Variants in C12orf54 observed in about 807,000 individuals in gnomAD.
C12orf54 encodes chromosome 12 open reading frame 54, also known as uncharacterized protein C12orf54.
In C12orf54, 24 loss-of-function variants were observed where a neutral mutation model predicts 26.4. That is an observed-to-expected ratio of 0.91 (90% CI 0.66 to 1.28). The LOEUF (loss-of-function observed/expected upper bound fraction) is 1.28, where lower values mean the gene tolerates loss of function less well. C12orf54 is among the 50% of genes most tolerant of loss of function. C12orf54 has a pLI of 0.00. For synonymous variants in C12orf54, 54 were observed against 47.0 expected (o/e 1.15, Z -0.61); for missense variants, 154 against 150.9 (o/e 1.02, Z -0.11).
the C12orf54 span, among the ~76,000 whole-genome samples, chr12:48,456,809 TG>T: frequency 1.4e-4 from 22 of 152,168 alleles, no homozygotes; most frequent in South Asian, 2.1e-4. Flanking sequence ...TTTTCTTCTT[TG>T]GCAAGCAGAA....
chr12:48,446,246 G>T, the C12orf54 span, among the ~76,000 whole-genome samples: 1 of 152,074 alleles, frequency 6.6e-6, no homozygotes, highest in Non-Finnish European at 1.5e-5. Flanking sequence ...AAATACATAA[G>T]CTCATTCCTC....
At chr12:48,483,167 T>C (rs1208591614) in intron 1 of C12orf54, 73 bp from the exon 2 acceptor site, 1 of 678,812 alleles carries the variant, frequency 1.5e-6, no homozygotes, top group Non-Finnish European at 2.5e-6. Flanking sequence ...CTGCTGGTAG[T>C]TCTCCACTGA....
chr12:48,421,041 C>A, the C12orf54 span, among the ~76,000 whole-genome samples: 4 of 152,198 alleles, frequency 2.6e-5, no homozygotes, highest in Non-Finnish European at 5.9e-5. Context: ...TATTCCTCTC[C>A]TCTCCACAGG....
the C12orf54 span, among the ~76,000 whole-genome samples, chr12:48,430,665 C>T: frequency 3.3e-5 from 5 of 152,026 alleles, no homozygotes; most frequent in Non-Finnish European, 4.4e-5. Context: ...TTGGCGTGAA[C>T]GTGGTGATCA....
At chr12:48,472,852 TAAAC>T in the C12orf54 span, 4 of 1,613,998 alleles carry the variant, frequency 2.5e-6, no homozygotes, top group African/African-American at 1.3e-5. Flanking sequence ...TTGCCAAAGT[TAAAC>T]AAACTTAAGA....
chr12:48,414,186 C>G, the C12orf54 span, among the ~76,000 whole-genome samples: 1 of 152,208 alleles, frequency 6.6e-6, no homozygotes, highest in Non-Finnish European at 1.5e-5. Flanking sequence ...TGAGCCAGTT[C>G]TCTGTGCTGT....
At chr12:48,446,262 C>G in the C12orf54 span, among the ~76,000 whole-genome samples, 6 of 152,124 alleles carry the variant, frequency 3.9e-5, no homozygotes, top group Non-Finnish European at 2.9e-5. Context: ...TCCTCAAAAG[C>G]TCCAGGAAGT....
the C12orf54 span, among the ~76,000 whole-genome samples, chr12:48,469,405 G>A: frequency 6.6e-6 from 1 of 152,318 alleles, no homozygotes; most frequent in East Asian, 1.9e-4. Context: ...AGAGAAATAT[G>A]ACTCGGTTCT....
At chr12:48,435,278 C>T in the C12orf54 span, among the ~76,000 whole-genome samples, 1,942 of 152,246 alleles carry the variant, frequency 0.013, 20 homozygotes, top group Non-Finnish European at 0.018. Flanking sequence ...ACCAAATCTA[C>T]GTCTGACTGG....
the C12orf54 span, among the ~76,000 whole-genome samples, chr12:48,422,403 A>T: frequency 6.6e-6 from 1 of 152,218 alleles, no homozygotes; most frequent in East Asian, 1.9e-4. Context: ...TATGAGCAAA[A>T]TGCATCTGAC....
chr12:48,466,361 T>C, the C12orf54 span, among the ~76,000 whole-genome samples: 1 of 151,968 alleles, frequency 6.6e-6, no homozygotes. Flanking sequence ...CTGGCCCACA[T>C]AGTGAAACCC....
chr12:48,487,411 C>T (rs1166052977), intron 4 of C12orf54, among the ~76,000 whole-genome samples: 1 of 152,202 alleles, frequency 6.6e-6, no homozygotes, highest in East Asian at 1.9e-4. Context: ...TGCCAGCCCC[C>T]ACTGTACAAT....
chr12:48,427,637 A>T, the C12orf54 span, among the ~76,000 whole-genome samples: 1 of 152,100 alleles, frequency 6.6e-6, no homozygotes, highest in Non-Finnish European at 1.5e-5. Context: ...AATCCTAAAC[A>T]TATATGCACC....
chr12:48,457,215 C>T, the C12orf54 span, among the ~76,000 whole-genome samples: 5 of 151,648 alleles, frequency 3.3e-5, no homozygotes, highest in Non-Finnish European at 7.4e-5. Context: ...GCCCCAGGCC[C>T]GAACTCAGAA....
chr12:48,472,981 T>C, the C12orf54 span: 3 of 1,614,064 alleles, frequency 1.9e-6, no homozygotes, highest in Non-Finnish European at 2.5e-6. Flanking sequence ...CTCAGCACAA[T>C]AGAGCCCCTG....
At chr12:48,439,341 G>C in the C12orf54 span, among the ~76,000 whole-genome samples, 1 of 152,162 alleles carries the variant, frequency 6.6e-6, no homozygotes, top group Non-Finnish European at 1.5e-5. Context: ...TCAGTGTGGC[G>C]ATTCCTCAGG....
the C12orf54 span, chr12:48,473,092 C>T: frequency 6.2e-7 from 1 of 1,613,938 alleles, no homozygotes; most frequent in Non-Finnish European, 8.5e-7. Flanking sequence ...CTGCAACTCA[C>T]ATATCTCAAC....
At position 48,492,999 on chromosome 12, in the gene C12orf54, A is replaced by C. The variant is rs190673767; in HGVS notation, c.242+4A>C. On this transcript the variant is annotated splice_donor_region_variant and intron_variant, in intron 7 of 8. Coordinates refer to ENST00000548364, the MANE Select transcript of C12orf54 (RefSeq NM_152319.4). ...TGACATCAGCACCCAGGACTGGGTA[A>C]GTGTCCCTATTCTGACAATGTTCAA... 6.2e-7 allele frequency: 1 copy of C among 1,613,432 alleles called. No homozygotes were observed. Among genetic ancestry groups the C allele is most frequent in the East Asian group, 2.2e-5 (1 of 44,870 alleles).
At chr12:48,424,356 A>C in the C12orf54 span, among the ~76,000 whole-genome samples, 1 of 152,072 alleles carries the variant, frequency 6.6e-6, no homozygotes, top group Middle Eastern at 3.2e-3. Flanking sequence ...CCAAGAAGTG[A>C]ATTAGGAAAT....
Sources: allele counts gnomAD v4.1 joint callset (sites outside exome capture counted in the v4.1 genomes callset), GRCh38; gene constraint gnomAD v4.1.1; transcripts MANE v1.5; gene names NCBI Gene and HGNC (gene_info 2026-07-23, HGNC 2026-07-21).